Variants in GULP1 observed in about 807,000 individuals in gnomAD.
GULP1 encodes the protein PTB domain-containing engulfment adapter protein 1.
In GULP1, 19 loss-of-function variants were observed where a neutral mutation model predicts 40.9. The observed-to-expected ratio is 0.46, with a 90% CI of 0.32 to 0.68. GULP1 has a LOEUF of 0.68. Ranked by LOEUF, GULP1 falls within the 30% of genes least tolerant of loss-of-function variation. GULP1 has a pLI of 0.03. For synonymous variants in GULP1, 119 were observed against 117.6 expected (o/e 1.01, Z -0.08); for missense variants, 312 against 362.2 (o/e 0.86, Z 1.12).
intron 1 of GULP1, among the ~76,000 whole-genome samples, chr2:188,309,044 C>T (rs1035676887): frequency 7.9e-5 from 12 of 152,268 alleles, no homozygotes; most frequent in African/African-American, 2.6e-4. Context: ...CCTAAACATC[C>T]ATAGTTAACA....
Position 188,369,075 on chromosome 2 carries a change from C to G in GULP1, c.-171-14688C>G, listed in dbSNP as rs569082606. Among the ~76,000 whole-genome samples, 6 of 150,158 alleles carry G rather than the reference C, an allele frequency of 4.0e-5. No individual in the cohort carries two copies. In the South Asian group the frequency reaches 8.5e-4, roughly 21 times the overall value. On this transcript the variant is annotated intron_variant, in intron 1 of 11. Transcript: ENST00000409830. ...TCCTAGATTCAAGCAATTCTCCTTT[C>G]TCAGCCTCCTGAGTAGCTGGAACTA...
At chr2:188,346,857 A>G (rs75669658) in intron 1 of GULP1, among the ~76,000 whole-genome samples, 3 of 151,304 alleles carry the variant, frequency 2.0e-5, no homozygotes, top group Non-Finnish European at 2.9e-5. Context: ...TGTAATCCCA[A>G]CTACTCAGGA....
intron 1 of GULP1, among the ~76,000 whole-genome samples, chr2:188,314,854 T>C (rs1449965254): frequency 6.6e-6 from 1 of 152,178 alleles, no homozygotes; most frequent in Non-Finnish European, 1.5e-5. Context: ...CCCCTACTTT[T>C]GAATCATCCC....
At chr2:188,341,428 C>T (rs911274078) in intron 1 of GULP1, among the ~76,000 whole-genome samples, 1 of 152,078 alleles carries the variant, frequency 6.6e-6, no homozygotes, top group African/African-American at 2.4e-5. Context: ...CAAGGCTCCA[C>T]CTCCAATATT....
intron 1 of GULP1, among the ~76,000 whole-genome samples, chr2:188,332,602 A>G (rs1003665450): frequency 6.6e-6 from 1 of 152,140 alleles, no homozygotes; most frequent in Non-Finnish European, 1.5e-5. Flanking sequence ...AAAGTGGCAT[A>G]AATAACAGAT....
chr2:188,525,999 G>A (rs968548454), intron 5 of GULP1, among the ~76,000 whole-genome samples: 96 of 152,150 alleles, frequency 6.3e-4, no homozygotes, highest in African/African-American at 2.2e-3. Context: ...TAATAGGCCC[G>A]AAGTAGTAAA....
At chr2:188,433,573 A>G (rs979405684) in intron 2 of GULP1, among the ~76,000 whole-genome samples, 1 of 152,100 alleles carries the variant, frequency 6.6e-6, no homozygotes, top group African/African-American at 2.4e-5. Context: ...CAGGACGACT[A>G]ACAGTTCTAT....
chr2:188,584,541 G>A (rs1024183406), intron 10 of GULP1, 138 bp downstream of exon 10: 2 of 414,440 alleles, frequency 4.8e-6, no homozygotes, highest in South Asian at 1.1e-4. Flanking sequence ...TTTTATATTT[G>A]TATAAATTTC....
chr2:188,429,436 G>T (rs1234777532), intron 2 of GULP1, among the ~76,000 whole-genome samples: 1 of 151,998 alleles, frequency 6.6e-6, no homozygotes, highest in South Asian at 2.1e-4. Context: ...GGAGGCAGAG[G>T]TTGCTGTGAG....
intron 1 of GULP1, chr2:188,297,526 C>G (rs773520739): frequency 2.1e-6 from 1 of 474,636 alleles, no homozygotes. Context: ...CATCAAGGAT[C>G]TTAAACTTTG....
chr2:188,373,245 TA>T (rs2047849399), intron 1 of GULP1, among the ~76,000 whole-genome samples: 1 of 151,954 alleles, frequency 6.6e-6, no homozygotes, highest in Non-Finnish European at 1.5e-5. Context: ...TTAAATAGTA[TA>T]ATACAGTTGA....
At chr2:188,304,348 T>C (rs986219497) in intron 1 of GULP1, among the ~76,000 whole-genome samples, 3 of 152,212 alleles carry the variant, frequency 2.0e-5, no homozygotes, top group Admixed American at 2.0e-4. Flanking sequence ...CTTATACCTA[T>C]GAGTTGACAC....
intron 4 of GULP1, among the ~76,000 whole-genome samples, chr2:188,508,583 C>G (rs892414560): frequency 6.6e-6 from 1 of 151,906 alleles, no homozygotes; most frequent in Admixed American, 6.6e-5. Flanking sequence ...ATTGTCAGGA[C>G]CCCACCATAT....
At chr2:188,487,166 A>G (rs1277611118) in intron 4 of GULP1, among the ~76,000 whole-genome samples, 1 of 151,976 alleles carries the variant, frequency 6.6e-6, no homozygotes, top group African/African-American at 2.4e-5. Context: ...ATTTTAATCA[A>G]TTTATTTTTC....
intron 10 of GULP1, among the ~76,000 whole-genome samples, chr2:188,584,960 C>G (rs1702059940): frequency 6.6e-6 from 1 of 152,000 alleles, no homozygotes; most frequent in African/African-American, 2.4e-5. Flanking sequence ...TAGAAAACAC[C>G]TATAAGCCTG....
intron 2 of GULP1, among the ~76,000 whole-genome samples, chr2:188,450,307 G>A (rs1388336643): frequency 6.6e-6 from 1 of 152,022 alleles, no homozygotes; most frequent in African/African-American, 2.4e-5. Flanking sequence ...TAATATTTAT[G>A]TATGTAATCA....
chr2:188,332,332 G>C (rs2041713310), intron 1 of GULP1, among the ~76,000 whole-genome samples: 1 of 151,810 alleles, frequency 6.6e-6, no homozygotes, highest in Non-Finnish European at 1.5e-5. Flanking sequence ...TGGGACTACA[G>C]GCATGTGCCA....
intron 2 of GULP1, among the ~76,000 whole-genome samples, chr2:188,407,857 G>C (rs1409379333): frequency 4.6e-5 from 7 of 151,948 alleles, no homozygotes; most frequent in African/African-American, 1.4e-4. Context: ...TGGATGAATG[G>C]ATTAAAAAAA....
At chr2:188,424,012 A>G (rs1384258463) in intron 2 of GULP1, among the ~76,000 whole-genome samples, 1 of 151,824 alleles carries the variant, frequency 6.6e-6, no homozygotes, top group Non-Finnish European at 1.5e-5. Flanking sequence ...ATTTCATTTA[A>G]TATAGGCTTT....
Sources: gnomAD v4.1 joint callset for allele counts (sites outside exome capture counted in the v4.1 genomes callset) on GRCh38, gnomAD v4.1.1 for gene constraint, MANE v1.5 for transcripts, NCBI Gene and HGNC (gene_info 2026-07-23, HGNC 2026-07-21) for gene names.